Variants in DNAL1 observed in about 807,000 individuals in gnomAD.
DNAL1 encodes chromosome 14 open reading frame 168.
Under a neutral mutation model 29.4 loss-of-function variants are expected in DNAL1, and 17 were observed. The ratio of observed to expected loss-of-function variants is 0.58; its 90% CI spans 0.40 to 0.87. The LOEUF (loss-of-function observed/expected upper bound fraction) is 0.87. DNAL1 is among the 40% of genes least tolerant of loss of function. DNAL1 has a pLI of 0.00. For synonymous variants in DNAL1, 78 were observed against 76.3 expected (o/e 1.02, Z -0.12); for missense variants, 188 against 214.1 (o/e 0.88, Z 0.76).
intron 5 of DNAL1, among the ~76,000 whole-genome samples, chr14:73,686,655 C>T (rs983394775): frequency 2.0e-5 from 3 of 152,190 alleles, no homozygotes; most frequent in Non-Finnish European, 2.9e-5. Flanking sequence ...CTGCAGTTAG[C>T]TGTGAGTGTG....
Position 73,687,251 on chromosome 14 carries a change from T to G in DNAL1, c.265-8T>G. On this transcript the variant is annotated splice_polypyrimidine_tract_variant and splice_region_variant and intron_variant, in intron 5 of 7. Coordinates refer to ENST00000553645, the MANE Select transcript of DNAL1 (RefSeq NM_031427.4). The stretch of plus-strand genomic sequence containing the variant: ...CATAAACATAAATCAAATTTTGTTC[T>G]TTTTCAGGAGGCAGTAGGGGACACA... 6.2e-7 allele frequency: 1 copy of G among 1,610,130 alleles called. No homozygotes were observed. The highest frequency in any genetic ancestry group is 8.5e-7 in the Non-Finnish European group (1 of 1,178,982).
intron 1 of DNAL1, among the ~76,000 whole-genome samples, chr14:73,645,256 G>A (rs1347170119): frequency 6.6e-6 from 1 of 152,226 alleles, no homozygotes; most frequent in Non-Finnish European, 1.5e-5. Context: ...CGGAGGTTGG[G>A]TTAAGGTGGA....
chr14:73,653,439 A>G (rs1019285175), intron 1 of DNAL1, among the ~76,000 whole-genome samples: 1 of 151,634 alleles, frequency 6.6e-6, no homozygotes, highest in Non-Finnish European at 1.5e-5. Context: ...GTAACCTCGA[A>G]CTCTTGGGTC....
intron 5 of DNAL1, among the ~76,000 whole-genome samples, chr14:73,671,855 T>C (rs1264179315): frequency 6.6e-6 from 1 of 152,210 alleles, no homozygotes; most frequent in Non-Finnish European, 1.5e-5. Flanking sequence ...TTTCTATATT[T>C]ATTGGCCATT....
chr14:73,652,244 G>A (rs376258786), intron 1 of DNAL1, among the ~76,000 whole-genome samples: 1 of 151,844 alleles, frequency 6.6e-6, no homozygotes, highest in East Asian at 1.9e-4. Flanking sequence ...TTGTAGAGAC[G>A]GGGTCTTGCT....
At chr14:73,649,797 G>A (rs952798192) in intron 1 of DNAL1, among the ~76,000 whole-genome samples, 1 of 151,966 alleles carries the variant, frequency 6.6e-6, no homozygotes, top group Non-Finnish European at 1.5e-5. Context: ...GTATTCATGT[G>A]GGATTGGTTC....
chr14:73,678,043 C>T (rs894093768), intron 5 of DNAL1, among the ~76,000 whole-genome samples: 13 of 151,450 alleles, frequency 8.6e-5, no homozygotes, highest in Admixed American at 3.3e-4. Context: ...ACTACAGGCA[C>T]GCACCACCAC....
intron 5 of DNAL1, 94 bp from the exon 6 acceptor site, chr14:73,687,165 T>C (rs1316108853): frequency 6.7e-7 from 1 of 1,485,478 alleles, no homozygotes; most frequent in Non-Finnish European, 9.1e-7. Context: ...AGGGTCTAAG[T>C]TCACTTTGGA....
chr14:73,673,281 A>G (rs1891657821), intron 5 of DNAL1, among the ~76,000 whole-genome samples: 1 of 152,232 alleles, frequency 6.6e-6, no homozygotes, highest in Non-Finnish European at 1.5e-5. Context: ...AATGTACTCC[A>G]GAACTTTTAG....
In DNAL1 at chr14:73,693,581, A is replaced by C. The variant is rs560285589; in HGVS notation, c.533-2321A>C. 2.4e-4 allele frequency among the ~76,000 whole-genome samples: 37 copies of C among 152,268 alleles called. 1 individual carries two copies. In the South Asian group the frequency reaches 5.4e-3, roughly 22 times the overall value. Reference sequence around the variant, plus strand: ...AGAAGCCAGACACAGGGTACATACTATATCATTCCTGTGGTCCTATTTGGG... The same window carrying C: ...AGAAGCCAGACACAGGGTACATACTCTATCATTCCTGTGGTCCTATTTGGG... On this transcript the variant is annotated intron_variant, in intron 7 of 7. Transcript: ENST00000553645.
chr14:73,652,128 C>T (rs12878943), intron 1 of DNAL1, among the ~76,000 whole-genome samples: 14,977 of 152,088 alleles, frequency 0.098, 789 homozygotes, highest in East Asian at 0.17. Flanking sequence ...CCTGACCTCC[C>T]GGGCTCTAGT....
chr14:73,650,895 G>GC (rs1328325574), intron 1 of DNAL1, among the ~76,000 whole-genome samples: 1 of 152,146 alleles, frequency 6.6e-6, no homozygotes, highest in Non-Finnish European at 1.5e-5. Flanking sequence ...TTCTGCCTCA[G>GC]CCTCCTGAGT....
chr14:73,648,697 G>T (rs1267898761), intron 1 of DNAL1, among the ~76,000 whole-genome samples: 2 of 151,156 alleles, frequency 1.3e-5, no homozygotes, highest in African/African-American at 4.8e-5. Context: ...TTACAAGCGT[G>T]AGCCACCATG....
intron 5 of DNAL1, among the ~76,000 whole-genome samples, chr14:73,681,425 G>T (rs1404295358): frequency 6.7e-6 from 1 of 150,320 alleles, no homozygotes; most frequent in Non-Finnish European, 1.5e-5. Context: ...ATGAGCCACC[G>T]CACCCGGTGA....
chr14:73,674,630 C>T (rs1035855762), intron 5 of DNAL1, among the ~76,000 whole-genome samples: 2 of 152,220 alleles, frequency 1.3e-5, no homozygotes, highest in African/African-American at 4.8e-5. Context: ...CAACCTTGAC[C>T]TCCTGGGCTC....
At position 73,662,029 on chromosome 14, in the gene DNAL1, C is replaced by T. The variant is rs886050684; in HGVS notation, c.195C>T (p.Asn65=). The T allele has an allele frequency of 1.0e-5, 16 of 1,559,964 alleles. No individual in the cohort carries two copies. The highest frequency in any genetic ancestry group is 1.3e-5 in the Non-Finnish European group (15 of 1,150,580). ...LSTNCIEKIA[N]LNGLKNLRIL... The stretch of plus-strand genomic sequence containing the variant: ...CAAACTGCATTGAAAAAATTGCCAA[C>T]CTGAATGGCTTAAGTAAGTGATTCA... The change falls in exon 4 of 8, where the codon AAC becomes AAT. Residue 65 remains asparagine (N), a synonymous_variant. Transcript: ENST00000553645.
At chr14:73,670,955 C>G (rs1338598409) in intron 4 of DNAL1, among the ~76,000 whole-genome samples, 1 of 151,884 alleles carries the variant, frequency 6.6e-6, no homozygotes, top group Admixed American at 6.6e-5. Flanking sequence ...CCAGGATGGT[C>G]TCGATCTCCT....
chr14:73,647,657 A>G (rs986720992), intron 1 of DNAL1, among the ~76,000 whole-genome samples: 1 of 152,166 alleles, frequency 6.6e-6, no homozygotes, highest in Non-Finnish European at 1.5e-5. Flanking sequence ...AGTTTTACTT[A>G]TTAGTTAAGT....
intron 1 of DNAL1, among the ~76,000 whole-genome samples, chr14:73,649,997 G>T (rs1220608347): frequency 6.6e-6 from 1 of 151,934 alleles, no homozygotes; most frequent in African/African-American, 2.4e-5. Context: ...GTTTTGTTTT[G>T]TTTTGAGATA....
Sources: gnomAD v4.1 joint callset for allele counts (sites outside exome capture counted in the v4.1 genomes callset) on GRCh38, gnomAD v4.1.1 for gene constraint, MANE v1.5 for transcripts, NCBI Gene and HGNC (gene_info 2026-07-23, HGNC 2026-07-21) for gene names.